The following ERC2 variants were observed in gnomAD, a reference collection of about 807,000 sequenced individuals.
ERC2 encodes ERC protein 2.
A neutral mutation model predicts 114.8 loss-of-function variants in ERC2; 42 were observed. The ratio of observed to expected loss-of-function variants is 0.37; its 90% CI spans 0.29 to 0.47. ERC2 has a LOEUF of 0.47. Ranked by LOEUF, ERC2 falls within the 20% of genes least tolerant of loss-of-function variation. The pLI is 0.99. For synonymous variants in ERC2, 454 were observed against 425.5 expected (o/e 1.07, Z -0.82); for missense variants, 939 against 1,150.7 (o/e 0.82, Z 2.66).
At chr3:56,424,469 C>T (rs1483764660) in intron 2 of ERC2, among the ~76,000 whole-genome samples, 2 of 152,170 alleles carry the variant, frequency 1.3e-5, no homozygotes, top group Admixed American at 1.3e-4. Flanking sequence ...TAATGTGGTA[C>T]ACATGGCTGA....
rs772460309 is a variant in ERC2, at chr3:55,751,021, T to C, written c.2565-16103A>G. Among the ~76,000 whole-genome samples the C allele has an allele frequency of 7.5e-4, 114 of 152,368 alleles. 1 individual carries two copies. The highest frequency in any genetic ancestry group is 8.3e-4 in the South Asian group (4 of 4,830). ...TAATTAGGTTAGCAAGCATATGTTGTTGGCAAAAAATATTTTTTCCTATGA... is the reference window on the plus strand; with the variant it reads ...TAATTAGGTTAGCAAGCATATGTTGCTGGCAAAAAATATTTTTTCCTATGA... On this transcript the variant is annotated intron_variant, in intron 14 of 17. Transcript: ENST00000288221.
chr3:56,381,486 C>T (rs1039507229), intron 2 of ERC2, among the ~76,000 whole-genome samples: 1 of 151,966 alleles, frequency 6.6e-6, no homozygotes, highest in Non-Finnish European at 1.5e-5. Context: ...AAAAAATCCA[C>T]GTGTAAGTGG....
chr3:56,396,147 T>C (rs1003062107), intron 2 of ERC2, among the ~76,000 whole-genome samples: 1 of 152,226 alleles, frequency 6.6e-6, no homozygotes, highest in African/African-American at 2.4e-5. Flanking sequence ...TGGCAATAGC[T>C]ATTAAAAATT....
At chr3:55,526,295 A>T (rs1171382835) in intron 17 of ERC2, among the ~76,000 whole-genome samples, 2 of 152,212 alleles carry the variant, frequency 1.3e-5, no homozygotes, top group Admixed American at 1.3e-4. Context: ...GTTTTAAGCC[A>T]ACCAGTTTGT....
chr3:55,559,392 A>G (rs180756087), intron 17 of ERC2, among the ~76,000 whole-genome samples: 2 of 152,380 alleles, frequency 1.3e-5, no homozygotes, highest in Admixed American at 1.3e-4. Flanking sequence ...CTGAAGCCAT[A>G]GCTCCAGGTG....
chr3:56,299,850 G>T, intron 2 of ERC2, among the ~76,000 whole-genome samples: 1 of 152,178 alleles, frequency 6.6e-6, no homozygotes, highest in African/African-American at 2.4e-5. Context: ...CAAAGGAAAT[G>T]ATCTTTTCTG....
chr3:56,027,948 T>C (rs1051802822), intron 7 of ERC2, among the ~76,000 whole-genome samples: 3 of 152,192 alleles, frequency 2.0e-5, no homozygotes, highest in Non-Finnish European at 2.9e-5. Flanking sequence ...AAGTACATGA[T>C]CTACTTTTTG....
At chr3:55,971,341 T>C (rs905956513) in intron 12 of ERC2, among the ~76,000 whole-genome samples, 1 of 152,128 alleles carries the variant, frequency 6.6e-6, no homozygotes, top group African/African-American at 2.4e-5. Flanking sequence ...TTTTATGGTA[T>C]GCAAATATAT....
chr3:56,245,606 A>C (rs2051636169), intron 3 of ERC2, among the ~76,000 whole-genome samples: 1 of 151,788 alleles, frequency 6.6e-6, no homozygotes. Context: ...TCTGTCACCC[A>C]GGCTGGAGTG....
At chr3:56,321,317 C>T (rs1423868143) in intron 2 of ERC2, among the ~76,000 whole-genome samples, 1 of 151,920 alleles carries the variant, frequency 6.6e-6, no homozygotes, top group African/African-American at 2.4e-5. Flanking sequence ...ATTATAACTT[C>T]CATATCTGTA....
chr3:56,084,369 G>C (rs754464782), intron 6 of ERC2, among the ~76,000 whole-genome samples: 1 of 152,094 alleles, frequency 6.6e-6, no homozygotes, highest in Non-Finnish European at 1.5e-5. Flanking sequence ...CTACCCAAAA[G>C]GAAAGAAGTC....
chr3:55,978,970 G>T (rs549111497), intron 12 of ERC2, among the ~76,000 whole-genome samples: 3 of 152,150 alleles, frequency 2.0e-5, no homozygotes, highest in Non-Finnish European at 4.4e-5. Flanking sequence ...TGGCAGAAGA[G>T]CACCCACACT....
chr3:56,388,034 G>C (rs1560726605), intron 2 of ERC2, among the ~76,000 whole-genome samples: 2 of 151,936 alleles, frequency 1.3e-5, no homozygotes, highest in African/African-American at 4.8e-5. Context: ...TTCCCTTTAA[G>C]ACCTTTCCAA....
intron 7 of ERC2, among the ~76,000 whole-genome samples, chr3:56,024,266 A>G (rs1380761147): frequency 6.6e-6 from 1 of 152,244 alleles, no homozygotes; most frequent in Non-Finnish European, 1.5e-5. Context: ...GGTCTAGTGC[A>G]AACACTGTTG....
chr3:55,889,293 C>T (rs2063499706), intron 13 of ERC2, among the ~76,000 whole-genome samples: 1 of 152,176 alleles, frequency 6.6e-6, no homozygotes, highest in African/African-American at 2.4e-5. Flanking sequence ...AGGAGTCCCT[C>T]TCACCTCACC....
At chr3:56,033,030 CAGAAAGAAAGAAAGAAAGAAAGAAAGAA>C (rs71099612) in intron 7 of ERC2, among the ~76,000 whole-genome samples, 218 of 65,272 alleles carry the variant, frequency 3.3e-3, no homozygotes, top group Non-Finnish European at 4.6e-3. Context: ...AAAAAAGAAA[CAGAAAGAAAGAAAGAAAGAAAGAAAGAA>C]AGAAAGAAAG....
chr3:56,397,836 T>C (rs1012478456), intron 2 of ERC2, among the ~76,000 whole-genome samples: 2 of 152,254 alleles, frequency 1.3e-5, no homozygotes, highest in Non-Finnish European at 2.9e-5. Flanking sequence ...TACTCCGCCA[T>C]GCATGGCCTC....
Position 55,768,203 on chromosome 3 carries a change from G to T in ERC2, c.2565-33285C>A, listed in dbSNP as rs542121422. On this transcript the variant is annotated intron_variant, in intron 14 of 17. Coordinates refer to ENST00000288221, the MANE Select transcript of ERC2 (RefSeq NM_015576.3). ...ACCTCTTTTCTGTATAAATTACCTAGTTTTAGGTATTTGTTTATAGCAATG... is the reference window on the plus strand; with the variant it reads ...ACCTCTTTTCTGTATAAATTACCTATTTTTAGGTATTTGTTTATAGCAATG... Among the ~76,000 whole-genome samples the T allele has an allele frequency of 5.9e-5, 9 of 152,240 alleles. 1 individual carries two copies. In the South Asian group the frequency reaches 1.7e-3, roughly 28 times the overall value.
intron 1 of ERC2, among the ~76,000 whole-genome samples, chr3:56,467,760 C>T (rs1033469394): frequency 3.9e-5 from 6 of 152,042 alleles, no homozygotes; most frequent in Non-Finnish European, 8.8e-5. Flanking sequence ...TCTGAACCCA[C>T]CCAGGCGGCC....
Sources: allele counts gnomAD v4.1 joint callset (sites outside exome capture counted in the v4.1 genomes callset), GRCh38; gene constraint gnomAD v4.1.1; transcripts MANE v1.5; gene names NCBI Gene and HGNC (gene_info 2026-07-23, HGNC 2026-07-21).